Variants in TSPOAP1 observed in about 807,000 individuals in gnomAD.
The protein encoded by TSPOAP1 is peripheral-type benzodiazepine receptor-associated protein 1.
Under a neutral mutation model 197.0 loss-of-function variants are expected in TSPOAP1, and 87 were observed. The ratio of observed to expected loss-of-function variants is 0.44; its 90% CI spans 0.37 to 0.53. The LOEUF (loss-of-function observed/expected upper bound fraction) is 0.53, where lower values mean the gene tolerates loss of function less well. Ranked by LOEUF, TSPOAP1 falls within the 20% of genes least tolerant of loss-of-function variation. The pLI is 0.00. For missense variants in TSPOAP1, 2,174 were observed against 2,411.3 expected (o/e 0.90, Z 2.06); for synonymous variants, 913 against 998.9 (o/e 0.91, Z 1.62).
In TSPOAP1 at chr17:58,326,708, A is replaced by T. The variant is rs753869614; in HGVS notation, c.416T>A (p.Ile139Asn). The change falls in exon 2 of 32, where the codon ATC becomes AAC. Residue 139 changes from isoleucine to asparagine, a missense_variant. This residue lies in a region of TSPOAP1 where 1,933 missense variants were observed against 2,139.0 expected (regional missense o/e 0.90). Coordinates refer to ENST00000343736, the MANE Select transcript of TSPOAP1 (RefSeq NM_004758.4). This position sits in a 1 kb window ranked among gnomAD's most constrained non-coding sequence, Gnocchi z 4.7. ...ALGELRQRCA[I>N]LKEENQMLRK... ...CAGCATCTGGTTTTCCTCCTTAAGG[A>T]TGGCACAGCGCTGCCGCAGCTCCCC... 1.9e-6 allele frequency: 3 copies of T among 1,614,026 alleles called. No individual in the cohort carries two copies. In the African/African-American group the frequency reaches 4.0e-5, roughly 22 times the overall value.
chr17:58,305,345 G>C, intron 29 of TSPOAP1, 42 bp downstream of exon 29: 1 of 1,607,466 alleles, frequency 6.2e-7, no homozygotes, highest in Non-Finnish European at 8.5e-7. Context: ...CCGAAGTCTG[G>C]GGGGCTGGGA....
rs751132190 is a variant in TSPOAP1, at chr17:58,326,902, C to T, written c.334-112G>A. 46 of 901,836 alleles carry T rather than the reference C, an allele frequency of 5.1e-5. No individual in the cohort carries two copies. Among genetic ancestry groups the T allele is most frequent in the Admixed American group, 4.6e-4 (22 of 47,706 alleles). The allele number at this position is 901,836 out of a possible 1,614,324, so 55.9% of individuals were successfully genotyped here. On this transcript the variant is annotated intron_variant, in intron 1 of 31. Coordinates refer to ENST00000343736, the MANE Select transcript of TSPOAP1 (RefSeq NM_004758.4). The surrounding 1 kb of genome is among the most constrained non-coding windows in gnomAD (Gnocchi z 4.7). ...GGTCCAAGGAGACATGGAGATGAAA[C>T]GGTTTCCCCTATGTCCCAGGCCTTC...
At position 58,305,841 on chromosome 17, in the gene TSPOAP1, G is replaced by A. The variant is rs1970868683; in HGVS notation, c.5249C>T (p.Pro1750Leu). 1.2e-6 allele frequency: 2 copies of A among 1,612,748 alleles called. No homozygotes were observed. Among genetic ancestry groups the A allele is most frequent in the Admixed American group, 3.3e-5 (2 of 59,970 alleles). ...KKAESEGPAQ[P>L]CPGPPKLVPS... is the part of the protein sequence containing the mutation. ...CAGGGATATTCCTTCACCTGGACAG[G>A]GCTGGGCAGGGCCTTCCGACTCAGC... The change falls in exon 27 of 32, where the codon CCC (proline) becomes CTC (leucine). Residue 1750 changes from proline (P) to leucine (L), a missense_variant. By Grantham distance (98) the Pro-to-Leu change is moderately conservative. Around this residue, in one of 5 missense-constraint regions of TSPOAP1, gnomAD observed 161 missense variants for 159.1 expected, o/e 1.01. Coordinates refer to ENST00000343736, the MANE Select transcript of TSPOAP1 (RefSeq NM_004758.4).
rs567548257 is a variant in TSPOAP1 at position 58,324,042 on chromosome 17, C to A, written c.943-497G>T. The stretch of plus-strand genomic sequence containing the variant: ...TTCTCCTGGCTTCCCCCAAGCCCAC[C>A]CTACCACACCTTCCGATTATCCGTG... On this transcript the variant is annotated intron_variant, in intron 5 of 31. Transcript: ENST00000343736. The surrounding 1 kb of genome is among the most constrained non-coding windows in gnomAD (Gnocchi z 5.8). Among the ~76,000 whole-genome samples the A allele has an allele frequency of 1.3e-5, 2 of 152,326 alleles. No individual in the cohort carries two copies. Among genetic ancestry groups the A allele is most frequent in the South Asian group, 2.1e-4 (1 of 4,830 alleles).
intron 31 of TSPOAP1, chr17:58,303,819 C>T (rs1361652959): frequency 6.6e-6 from 1 of 152,526 alleles, no homozygotes; most frequent in Non-Finnish European, 1.5e-5. Context: ...CCAAACCTCC[C>T]CTTTTATCCC....
At position 58,325,001 on chromosome 17, in the gene TSPOAP1, T is replaced by C. The variant is rs2143143664; in HGVS notation, c.752A>G (p.Glu251Gly). The part of the protein sequence containing the change: ...LQARLTLVGK[E>G]GPQWLHVRDF... The stretch of plus-strand genomic sequence containing the variant: ...CCGCACGTGGAGCCACTGGGGACCC[T>C]CCTGAGGTTGGGGGACAGGGACAGG... Residue 251 changes from glutamate (E) to glycine (G), a missense_variant and splice_region_variant, in exon 5 of 32, where the codon GAG (glutamate) becomes GGG (glycine). Coordinates refer to ENST00000343736, the MANE Select transcript of TSPOAP1 (RefSeq NM_004758.4). 1 of 1,526,838 alleles carries C rather than the reference T, an allele frequency of 6.5e-7. No homozygotes were observed. Among genetic ancestry groups the C allele is most frequent in the East Asian group, 2.5e-5 (1 of 40,578 alleles). The allele number at this position is 1,526,838 out of a possible 1,614,324, so 94.6% of individuals were successfully genotyped here.
In TSPOAP1 at chr17:58,304,956, C is replaced by A; in HGVS notation, c.5544+105G>T. ...GCACGCTGGACACAGTGCTTACCTG[C>A]ATGACCACCCCAGCTGCACCCCTGC... is the stretch of plus-strand genomic sequence containing the variant. On this transcript the variant is annotated intron_variant, in intron 30 of 31. Coordinates refer to ENST00000343736, the MANE Select transcript of TSPOAP1 (RefSeq NM_004758.4). The surrounding 1 kb of genome is among the most constrained non-coding windows in gnomAD (Gnocchi z 4.2). The A allele has an allele frequency of 1.2e-6, 1 of 868,680 alleles. No individual in the cohort carries two copies. Among genetic ancestry groups the A allele is most frequent in the Non-Finnish European group, 2.0e-6 (1 of 508,848 alleles). 53.8% of individuals were successfully genotyped at this position (868,680 alleles called of 1,614,324 possible).
At chr17:58,311,264 G>T (rs756942457) in intron 18 of TSPOAP1, 51 bp from the exon 19 acceptor site, 4 of 1,590,552 alleles carry the variant, frequency 2.5e-6, no homozygotes, top group Non-Finnish European at 3.4e-6. Flanking sequence ...AGACAGCCAA[G>T]CGTGAGGATG....
Position 58,322,570 on chromosome 17 carries a change from GC to G in TSPOAP1, c.1317+83del. 6.3e-7 allele frequency: 1 copy of G among 1,580,300 alleles called. No individual in the cohort carries two copies. ...TCCAGGCCCAGGCCTCAGAGCTAGTGCCCCTCACTAAGAATATTCTGCTGTC... is the reference window on the plus strand; with the variant it reads ...TCCAGGCCCAGGCCTCAGAGCTAGTGCCCTCACTAAGAATATTCTGCTGTC... On this transcript the variant is annotated intron_variant, in intron 9 of 31. Transcript: ENST00000343736. The surrounding 1 kb of genome is among the most constrained non-coding windows in gnomAD (Gnocchi z 5.0).
In TSPOAP1 at chr17:58,305,061, C is replaced by T; in HGVS notation, c.5544G>A (p.Gln1848=). 1 of 1,613,046 alleles carries T rather than the reference C, an allele frequency of 6.2e-7. No individual in the cohort carries two copies. The highest frequency in any genetic ancestry group is 8.5e-7 in the Non-Finnish European group (1 of 1,179,138). Residue 1848 remains glutamine (Q), a splice_region_variant and synonymous_variant, in exon 30 of 32, where the codon CAG becomes CAA. Coordinates refer to ENST00000343736, the MANE Select transcript of TSPOAP1 (RefSeq NM_004758.4). ...REPRTPQAES[Q]RTRRRRVQC is the part of the protein sequence containing the mutation. Reference sequence around the variant, plus strand: ...GCTGGGAGCCCAGCTCCTCACTGACCTGACTCTCAGCCTGGGGTGTCCTGG... The same window carrying T: ...GCTGGGAGCCCAGCTCCTCACTGACTTGACTCTCAGCCTGGGGTGTCCTGG...
Position 58,324,659 on chromosome 17 carries a change from T to A in TSPOAP1, c.942+152A>T. The A allele has an allele frequency of 1.6e-6, 1 of 617,858 alleles. No homozygotes were observed. The highest frequency in any genetic ancestry group is 2.5e-6 in the Non-Finnish European group (1 of 405,860). 38.3% of individuals were successfully genotyped at this position (617,858 alleles called of 1,614,324 possible). A position where few individuals can be genotyped will look rare whatever the true frequency, so the allele number is the denominator to read the frequency against. On this transcript the variant is annotated intron_variant, in intron 5 of 31. Transcript: ENST00000343736. This position sits in a 1 kb window ranked among gnomAD's most constrained non-coding sequence, Gnocchi z 5.8. ...GCACGGGAGGCTTGGAGGTGGACCC[T>A]GCCCAGGACGGGAAAGCTCCCCAGC... is the stretch of plus-strand genomic sequence containing the variant.
rs1971526399 is a variant in TSPOAP1, at chr17:58,324,866, G to A, written c.887C>T (p.Pro296Leu). The change falls in exon 5 of 32, where the codon CCG becomes CTG. Residue 296 changes from proline (P) to leucine (L), a missense_variant. By Grantham distance (98) the Pro-to-Leu change is moderately conservative. Coordinates refer to ENST00000343736, the MANE Select transcript of TSPOAP1 (RefSeq NM_004758.4). This position sits in a 1 kb window ranked among gnomAD's most constrained non-coding sequence, Gnocchi z 5.8. ...TGCTCTGGCCTGGAGAGCAGGGCCC[G>A]GGGGCCAGGACGGCGGGAGCGGGAG... ...ETLPLPPSWPPGPALQARAGA... is the reference protein window; with the variant it reads ...ETLPLPPSWPLGPALQARAGA... 2.6e-6 allele frequency: 4 copies of A among 1,529,364 alleles called. No individual in the cohort carries two copies. The highest frequency in any genetic ancestry group is 1.4e-5 in the African/African-American group (1 of 72,696). 94.7% of individuals were successfully genotyped at this position (1,529,364 alleles called of 1,614,324 possible).
intron 11 of TSPOAP1, among the ~76,000 whole-genome samples, 156 bp from the exon 12 acceptor site, chr17:58,320,285 G>C (rs559181995): frequency 1.3e-5 from 2 of 152,286 alleles, no homozygotes; most frequent in East Asian, 3.9e-4. Flanking sequence ...ATCTCAGGGT[G>C]AAGGCAGCCT....
At position 58,307,868 on chromosome 17, in the gene TSPOAP1, A is replaced by G; in HGVS notation, c.4805T>C (p.Val1602Ala). 6.2e-7 allele frequency: 1 copy of G among 1,613,616 alleles called. No individual in the cohort carries two copies. ...TAGCTCTGCAGTGCTTGGCCTGAGG[A>G]CTCGGACACCTCTCTTCTGGGGGCC... ...RRGPQKRGVR[V>A]LRPSTAELVP... The change falls in exon 23 of 32, where the codon GTC (valine) becomes GCC (alanine). Residue 1602 changes from valine to alanine, a missense_variant. Physicochemically the swap from Val to Ala is moderately conservative, Grantham distance 64. Transcript: ENST00000343736.
Position 58,304,383 on chromosome 17 carries a change from CT to C in TSPOAP1, c.5560del (p.Arg1854GlufsTer8). ...QAESQRTRRR[R>X]VQC Reference sequence around the variant, plus strand: ...ATCTATCTCCATCTAGCACTGGACTCTTCTCCTCCTCGTTCTCTGAGGACAG... The same window carrying C: ...ATCTATCTCCATCTAGCACTGGACTCTCTCCTCCTCGTTCTCTGAGGACAG... On this transcript the variant is annotated frameshift_variant, in exon 31 of 32. Transcript: ENST00000343736. LOFTEE classifies it high-confidence loss of function. This position sits in a 1 kb window ranked among gnomAD's most constrained non-coding sequence, Gnocchi z 4.2. 1 of 1,613,874 alleles carries C rather than the reference CT, an allele frequency of 6.2e-7. No homozygotes were observed. The highest frequency in any genetic ancestry group is 8.5e-7 in the Non-Finnish European group (1 of 1,179,774).
rs1395807292 is a variant in TSPOAP1 at position 58,307,741 on chromosome 17, T to G, written c.4853A>C (p.Glu1618Ala). 6.2e-7 allele frequency: 1 copy of G among 1,614,028 alleles called. No individual in the cohort carries two copies. The highest frequency in any genetic ancestry group is 8.5e-7 in the Non-Finnish European group (1 of 1,180,038). The change falls in exon 24 of 32, where the codon GAA becomes GCA. Residue 1618 changes from glutamate (E) to alanine (A), a missense_variant. Glu to Ala is a moderately radical substitution (Grantham distance 107, BLOSUM62 -1). Transcript: ENST00000343736. The stretch of plus-strand genomic sequence containing the variant: ...GGGTAGGTGCTGGTAAGCCAGTGTT[T>G]CTGAGGGGCTCCTCGCAGGGACTGT... The part of the protein sequence containing the change: ...AELVPARSPS[E>A]TLAYQHLPVR...
At position 58,318,439 on chromosome 17, in the gene TSPOAP1, C is replaced by T. The variant is rs1181936720; in HGVS notation, c.1713G>A (p.Pro571=). The T allele has an allele frequency of 5.6e-6, 9 of 1,612,672 alleles. No individual in the cohort carries two copies. The highest frequency in any genetic ancestry group is 1.7e-4 in the Middle Eastern group (1 of 5,996). The change falls in exon 14 of 32, where the codon CCG becomes CCA. Residue 571 remains proline, a synonymous_variant. Coordinates refer to ENST00000343736, the MANE Select transcript of TSPOAP1 (RefSeq NM_004758.4). The part of the protein sequence containing the change: ...RGSGPKDLDL[P]PGSPGRCTPK... ...GGGTGCAGCGCCCAGGGGAGCCCGG[C>T]GGGAGGTCAAGGTCTAAAGAGAAGA...
chr17:58,302,241 C>A lies in TSPOAP1; in HGVS notation c.*239G>T. ...GTGATCTGGGGGCCTCTCAGGGCCTCTTCTGCCTGCAGGATGGGCCACAGC... is the reference window on the plus strand; with the variant it reads ...GTGATCTGGGGGCCTCTCAGGGCCTATTCTGCCTGCAGGATGGGCCACAGC... On this transcript the variant is annotated 3_prime_UTR_variant, in exon 32 of 32. Transcript: ENST00000343736. 6 of 1,289,024 alleles carry A rather than the reference C, an allele frequency of 4.7e-6. No individual in the cohort carries two copies. The highest frequency in any genetic ancestry group is 6.1e-6 in the Non-Finnish European group (6 of 988,474). 79.8% of individuals were successfully genotyped at this position (1,289,024 alleles called of 1,614,324 possible).
chr17:58,307,790 C>A, intron 23 of TSPOAP1, 28 bp from the exon 24 acceptor site: 1 of 1,613,696 alleles, frequency 6.2e-7, no homozygotes, highest in Non-Finnish European at 8.5e-7. Context: ...AGGGCGGTGA[C>A]GCAGCGAGCT....
Sources: gnomAD v4.1 joint callset for allele counts (sites outside exome capture counted in the v4.1 genomes callset) on GRCh38, gnomAD v4.1.1 for gene constraint, gnomAD v4.1.1 regional missense constraint, Gnocchi (gnomAD v3.1) non-coding constraint, MANE v1.5 for transcripts, NCBI Gene and HGNC (gene_info 2026-07-23, HGNC 2026-07-21) for gene names.